ARHGAP22: variants seen among roughly 807,000 people sequenced by gnomAD.
ARHGAP22 encodes rho GTPase-activating protein 22.
Under a neutral mutation model 59.1 loss-of-function variants are expected in ARHGAP22, and 48 were observed. That is an observed-to-expected ratio of 0.81 (90% confidence interval 0.64 to 1.03). The LOEUF (loss-of-function observed/expected upper bound fraction) is 1.03, where lower values mean the gene tolerates loss of function less well. Among genes scored for constraint, ARHGAP22 ranks in the 50% least tolerant of loss-of-function variants. ARHGAP22 has a pLI of 0.00. For missense variants in ARHGAP22, 1,015 were observed against 958.7 expected (o/e 1.06, Z -0.78); for synonymous variants, 445 against 416.4 (o/e 1.07, Z -0.84).
Position 48,459,824 on chromosome 10 carries a change from G to A in ARHGAP22, c.519C>T (p.Pro173=). The A allele has an allele frequency of 1.2e-6, 2 of 1,613,598 alleles. No homozygotes were observed. Among genetic ancestry groups the A allele is most frequent in the Non-Finnish European group, 1.7e-6 (2 of 1,180,038 alleles). Reference sequence around the variant, plus strand: ...AGTCCACACACTGCTCCACCAGCAGGGGCGCCAGGCGGGGGCCATACTTCC... The same window carrying A: ...AGTCCACACACTGCTCCACCAGCAGAGGCGCCAGGCGGGGGCCATACTTCC... The part of the protein sequence containing the change: ...HERKYGPRLA[P]LLVEQCVDFI... Residue 173 remains proline (P), a synonymous_variant, in exon 5 of 10, where the codon CCC becomes CCT. Transcript: ENST00000249601.
chr10:48,591,222 T>C (rs1376353024), intron 1 of ARHGAP22, among the ~76,000 whole-genome samples: 2 of 152,206 alleles, frequency 1.3e-5, no homozygotes, highest in East Asian at 3.9e-4. Context: ...AAGCCTGAGA[T>C]GAAAACACGT....
chr10:48,456,007 T>C (rs1213807355), intron 5 of ARHGAP22, among the ~76,000 whole-genome samples: 2 of 152,148 alleles, frequency 1.3e-5, no homozygotes, highest in Non-Finnish European at 2.9e-5. Flanking sequence ...CAGTTGTGGA[T>C]GGTGGTGGCA....
intron 3 of ARHGAP22, among the ~76,000 whole-genome samples, chr10:48,506,846 T>C (rs969109361): frequency 7.9e-5 from 12 of 152,146 alleles, no homozygotes; most frequent in African/African-American, 2.2e-4. Context: ...GAAGGTCTTA[T>C]TTTTCCATTT....
At chr10:48,447,410 A>G (rs1313364741) in intron 9 of ARHGAP22, among the ~76,000 whole-genome samples, 3 of 152,228 alleles carry the variant, frequency 2.0e-5, no homozygotes, top group African/African-American at 7.2e-5. Flanking sequence ...AGTGAAATGC[A>G]GAGGGTAACT....
chr10:48,487,805 G>A (rs150552535), intron 3 of ARHGAP22, among the ~76,000 whole-genome samples: 98 of 152,288 alleles, frequency 6.4e-4, no homozygotes, highest in African/African-American at 2.3e-3. Flanking sequence ...AGTGGCTCAC[G>A]CCTGTAATCC....
At chr10:48,523,251 G>C (rs1192004765) in intron 3 of ARHGAP22, among the ~76,000 whole-genome samples, 1 of 152,250 alleles carries the variant, frequency 6.6e-6, no homozygotes, top group African/African-American at 2.4e-5. Context: ...AGCCTATCCA[G>C]CAGGCCAGGG....
chr10:48,569,462 T>A (rs1234018165), intron 2 of ARHGAP22, among the ~76,000 whole-genome samples: 3 of 152,214 alleles, frequency 2.0e-5, no homozygotes, highest in Non-Finnish European at 2.9e-5. Flanking sequence ...CCAAACACAA[T>A]GAAACATAAG....
In ARHGAP22 at chr10:48,458,658, A is replaced by G. The variant is rs145622414; in HGVS notation, c.659+1026T>C. 2.7e-3 allele frequency among the ~76,000 whole-genome samples: 418 copies of G among 152,282 alleles called. 2 individuals are homozygous for G. The highest frequency in any genetic ancestry group is 9.6e-3 in the African/African-American group (397 of 41,546). ...GGCTCCCAGGCCTTACCCAGGTGAC[A>G]TTATTTGAAGCAATCTGCAACCCTA... is the stretch of plus-strand genomic sequence containing the variant. On this transcript the variant is annotated intron_variant, in intron 5 of 9. Transcript: ENST00000249601.
intron 3 of ARHGAP22, among the ~76,000 whole-genome samples, chr10:48,547,032 C>T (rs1196303168): frequency 6.6e-6 from 1 of 152,198 alleles, no homozygotes; most frequent in Non-Finnish European, 1.5e-5. Context: ...TCACATCCAG[C>T]TCTCCCTGAC....
chr10:48,503,860 A>G (rs1208911777), intron 3 of ARHGAP22, among the ~76,000 whole-genome samples: 12 of 152,266 alleles, frequency 7.9e-5, no homozygotes, highest in Non-Finnish European at 1.5e-4. Flanking sequence ...CTAAATGAGT[A>G]ACTCCGAGCA....
intron 3 of ARHGAP22, among the ~76,000 whole-genome samples, chr10:48,514,330 G>A (rs1054446299): frequency 6.6e-6 from 1 of 151,972 alleles, no homozygotes; most frequent in African/African-American, 2.4e-5. Flanking sequence ...CTGTCCAAAG[G>A]CAAAGAATCT....
intron 2 of ARHGAP22, among the ~76,000 whole-genome samples, chr10:48,567,751 C>G (rs1400574788): frequency 6.6e-6 from 1 of 152,100 alleles, no homozygotes; most frequent in Non-Finnish European, 1.5e-5. Context: ...TCCTATCTCT[C>G]CCCCTGAGTC....
At chr10:48,602,585 G>T (rs2060448927) in intron 1 of ARHGAP22, among the ~76,000 whole-genome samples, 1 of 152,186 alleles carries the variant, frequency 6.6e-6, no homozygotes, top group Admixed American at 6.5e-5. Context: ...TAGAGACAGT[G>T]CTCCAGCCAC....
Position 48,648,699 on chromosome 10 carries a change from C to T in ARHGAP22, c.52+3535G>A, listed in dbSNP as rs116955685. ...GCAGCTGTCCTGGGGGGAAAATGGT[C>T]CGGAGAGTGGGCAGATCATGCAAAC... On this transcript the variant is annotated intron_variant, in intron 1 of 9. Transcript: ENST00000435790. 9.5e-3 allele frequency among the ~76,000 whole-genome samples: 1,444 copies of T among 152,268 alleles called. 12 individuals are homozygous for T. The highest frequency in any genetic ancestry group is 0.013 in the Non-Finnish European group (905 of 68,024).
chr10:48,648,960 A>G (rs2062434050), intron 1 of ARHGAP22, among the ~76,000 whole-genome samples: 1 of 152,140 alleles, frequency 6.6e-6, no homozygotes, highest in Admixed American at 6.5e-5. Flanking sequence ...TCTGTGCAGT[A>G]TGGAGAGATG....
intron 3 of ARHGAP22, among the ~76,000 whole-genome samples, chr10:48,511,889 T>A (rs2052804999): frequency 6.6e-6 from 1 of 152,196 alleles, no homozygotes; most frequent in African/African-American, 2.4e-5. Context: ...CGCAAGTGGA[T>A]CTGACTGTGA....
chr10:48,474,466 T>C (rs924852528), intron 4 of ARHGAP22, among the ~76,000 whole-genome samples: 1 of 152,228 alleles, frequency 6.6e-6, no homozygotes, highest in South Asian at 2.1e-4. Context: ...GAACCTCTAG[T>C]ACAATGCTGA....
intron 1 of ARHGAP22, among the ~76,000 whole-genome samples, chr10:48,587,691 A>G (rs1358596556): frequency 6.6e-6 from 1 of 152,158 alleles, no homozygotes; most frequent in African/African-American, 2.4e-5. Flanking sequence ...TGGGGTCTTT[A>G]GTGGGGACTG....
At position 48,521,263 on chromosome 10, in the gene ARHGAP22, G is replaced by A. The variant is rs572307248; in HGVS notation, c.322+34200C>T. Reference sequence around the variant, plus strand: ...ACCCTCCCCTCCCCGAAAAAGGCACGCAACAATCCCTTCCCGGACCCACTG... The same window carrying A: ...ACCCTCCCCTCCCCGAAAAAGGCACACAACAATCCCTTCCCGGACCCACTG... On this transcript the variant is annotated intron_variant, in intron 3 of 9. Transcript: ENST00000249601. 5.3e-5 allele frequency among the ~76,000 whole-genome samples: 8 copies of A among 152,216 alleles called. No individual in the cohort carries two copies. The South Asian group carries it at 6.2e-4, about 12-fold the overall frequency.
Sources: allele counts gnomAD v4.1 joint callset (sites outside exome capture counted in the v4.1 genomes callset), GRCh38; gene constraint gnomAD v4.1.1; transcripts MANE v1.5; gene names NCBI Gene and HGNC (gene_info 2026-07-23, HGNC 2026-07-21).